The following HYAL4 variants were observed in gnomAD, a reference collection of about 807,000 sequenced individuals.
HYAL4 encodes hyaluronidase-4.
Under a neutral mutation model 35.2 loss-of-function variants are expected in HYAL4, and 37 were observed. That is an observed-to-expected ratio of 1.05 (90% CI 0.81 to 1.38). HYAL4 has a LOEUF of 1.38. HYAL4 is among the 40% of genes most tolerant of loss of function. The pLI is 0.00. For missense variants in HYAL4, 572 were observed against 572.4 expected, an observed-to-expected ratio of 1.00 and a Z score of 0.01; for synonymous variants, 198 against 203.2, an observed-to-expected ratio of 0.97 and a Z score of 0.22.
the HYAL4 span, among the ~76,000 whole-genome samples, chr7:123,799,924 G>A: frequency 6.6e-6 from 1 of 151,948 alleles, no homozygotes; most frequent in Non-Finnish European, 1.5e-5. Flanking sequence ...CCTTTTGGAG[G>A]CTGAGGTGAG....
At chr7:123,844,590 C>T (rs1271564501), upstream of HYAL4, among the ~76,000 whole-genome samples, 1 of 152,218 alleles carries the variant, frequency 6.6e-6, no homozygotes. Flanking sequence ...ACGTTTAAGT[C>T]TGCAGAAGTT....
At chr7:123,820,227 A>G in the HYAL4 span, among the ~76,000 whole-genome samples, 2 of 151,990 alleles carry the variant, frequency 1.3e-5, no homozygotes, top group African/African-American at 4.8e-5. Flanking sequence ...ATTACCTATT[A>G]TAGAAATGCA....
the HYAL4 span, among the ~76,000 whole-genome samples, chr7:123,785,283 C>T: frequency 1.3e-5 from 2 of 152,130 alleles, no homozygotes; most frequent in African/African-American, 4.8e-5. This position sits in a 1 kb window ranked among gnomAD's most constrained non-coding sequence, Gnocchi z 4.5. Context: ...GAAAATGTCT[C>T]CCTATGTTGC....
chr7:123,787,089 A>C, the HYAL4 span, among the ~76,000 whole-genome samples: 1 of 149,766 alleles, frequency 6.7e-6, no homozygotes, highest in South Asian at 2.1e-4. Flanking sequence ...CCTGGGCAAC[A>C]AGAGCAAAAC....
the HYAL4 span, among the ~76,000 whole-genome samples, chr7:123,795,695 A>G: frequency 6.6e-6 from 1 of 152,216 alleles, no homozygotes; most frequent in Non-Finnish European, 1.5e-5. Context: ...ACTTAAGTCA[A>G]TTGAACCTCT....
the HYAL4 span, among the ~76,000 whole-genome samples, chr7:123,779,919 C>T: frequency 2.0e-5 from 3 of 152,046 alleles, no homozygotes; most frequent in Admixed American, 1.3e-4. Context: ...AAAATAAACA[C>T]ATCAAATACA....
intron 1 of HYAL4, among the ~76,000 whole-genome samples, chr7:123,830,802 G>A (rs1406994396): frequency 1.3e-5 from 2 of 151,646 alleles, no homozygotes; most frequent in Non-Finnish European, 2.9e-5. Context: ...AAGATAATTT[G>A]CTTTCAATTT....
chr7:123,876,477 G>T lies in HYAL4; in HGVS notation c.1045-277G>T, dbSNP rs549518940. On this transcript the variant is annotated intron_variant, in intron 4 of 4. Transcript: ENST00000223026. ...GCAAGGTCTCATGTGCTGATTCTGG[G>T]GGCTATTTGCAAGTTCAGTTGCTTA... 2.6e-5 allele frequency among the ~76,000 whole-genome samples: 4 copies of T among 152,224 alleles called. No individual in the cohort carries two copies. In the South Asian group the frequency reaches 6.2e-4, roughly 24 times the overall value.
At chr7:123,780,331 C>G in the HYAL4 span, among the ~76,000 whole-genome samples, 1 of 152,212 alleles carries the variant, frequency 6.6e-6, no homozygotes, top group African/African-American at 2.4e-5. Context: ...AGTGCTTTGC[C>G]TAAGTTATTT....
intron 2 of HYAL4, among the ~76,000 whole-genome samples, chr7:123,858,221 A>G (rs1192677384): frequency 1.3e-5 from 2 of 152,158 alleles, no homozygotes; most frequent in South Asian, 2.1e-4. Context: ...TGTAGCAACC[A>G]TGTAAGATGT....
chr7:123,773,970 C>A, the HYAL4 span, among the ~76,000 whole-genome samples: 1 of 152,024 alleles, frequency 6.6e-6, no homozygotes, highest in Non-Finnish European at 1.5e-5. Context: ...AGTGGGGGGT[C>A]AAGGGTGAGT....
At chr7:123,794,670 A>G in the HYAL4 span, among the ~76,000 whole-genome samples, 6 of 152,226 alleles carry the variant, frequency 3.9e-5, no homozygotes, top group Non-Finnish European at 7.3e-5. Flanking sequence ...AGAAGTCAAG[A>G]ACTGAGATTT....
At chr7:123,767,922 A>G in the HYAL4 span, among the ~76,000 whole-genome samples, 1 of 152,214 alleles carries the variant, frequency 6.6e-6, no homozygotes, top group Non-Finnish European at 1.5e-5. Flanking sequence ...ACACCTGAGG[A>G]CATTTACAAT....
chr7:123,764,852 G>C, the HYAL4 span, among the ~76,000 whole-genome samples: 21 of 152,048 alleles, frequency 1.4e-4, no homozygotes, highest in African/African-American at 4.8e-4. Context: ...TTCCACTCCA[G>C]TTTTAGTTCT....
chr7:123,767,053 C>T, the HYAL4 span, among the ~76,000 whole-genome samples: 1 of 152,056 alleles, frequency 6.6e-6, no homozygotes, highest in Non-Finnish European at 1.5e-5. Flanking sequence ...GTATTTAATT[C>T]ACATTGAAAT....
chr7:123,780,198 G>A, the HYAL4 span, among the ~76,000 whole-genome samples: 1 of 152,172 alleles, frequency 6.6e-6, no homozygotes, highest in Non-Finnish European at 1.5e-5. Flanking sequence ...ATTACTTTTG[G>A]TGAGTAAATA....
intron 1 of HYAL4, among the ~76,000 whole-genome samples, chr7:123,836,582 C>T (rs778977266): frequency 6.6e-6 from 1 of 151,766 alleles, no homozygotes. Context: ...TTACATTCAA[C>T]GTTAGTACAG....
At chr7:123,831,357 C>T (rs768072325) in intron 1 of HYAL4, among the ~76,000 whole-genome samples, 14 of 152,106 alleles carry the variant, frequency 9.2e-5, no homozygotes, top group Non-Finnish European at 2.1e-4. Context: ...TATAAACTAC[C>T]CAGCCTCAGG....
At chr7:123,859,672 C>T (rs548153576) in intron 2 of HYAL4, among the ~76,000 whole-genome samples, 1 of 152,242 alleles carries the variant, frequency 6.6e-6, no homozygotes, top group South Asian at 2.1e-4. Flanking sequence ...TAACAAAATG[C>T]AAGTGAGATG....
Sources: allele counts gnomAD v4.1 joint callset (sites outside exome capture counted in the v4.1 genomes callset), GRCh38; gene constraint gnomAD v4.1.1; non-coding constraint Gnocchi (gnomAD v3.1); transcripts MANE v1.5; gene names NCBI Gene and HGNC (gene_info 2026-07-23, HGNC 2026-07-21).